The following SF3B3 variants were observed in gnomAD, a reference collection of about 807,000 sequenced individuals.
SF3B3 encodes the protein splicing factor 3b subunit 3.
A neutral mutation model predicts 139.2 loss-of-function variants in SF3B3; 33 were observed. The ratio of observed to expected loss-of-function variants is 0.24; its 90% CI spans 0.18 to 0.32. The LOEUF is 0.32. Ranked by LOEUF, SF3B3 falls within the 10% of genes least tolerant of loss-of-function variation. SF3B3 has a pLI of 1.00. For missense variants in SF3B3, 818 were observed against 1,509.4 expected, an observed-to-expected ratio of 0.54 and a Z score of 7.59; for synonymous variants, 596 against 563.6, an observed-to-expected ratio of 1.06 and a Z score of -0.81.
At chr16:70,556,746 A>C in intron 14 of SF3B3, 140 bp from the exon 15 acceptor site, 4 of 787,160 alleles carry the variant, frequency 5.1e-6, no homozygotes, top group African/African-American at 1.7e-5. Context: ...ATAACTCAGT[A>C]CTCTCTTAGA....
At chr16:70,557,168 T>A (rs1158702249) in intron 15 of SF3B3, 139 bp downstream of exon 15, 2 of 858,318 alleles carry the variant, frequency 2.3e-6, no homozygotes, top group Non-Finnish European at 3.5e-6. Context: ...TCACTCTGGG[T>A]TCCACTTTTC....
rs2050489331 is a variant in SF3B3, at chr16:70,567,621, A to C, written c.2952+85A>C. On this transcript the variant is annotated intron_variant, in intron 21 of 25. Coordinates refer to ENST00000302516, the MANE Select transcript of SF3B3 (RefSeq NM_012426.5). ...TGGGGTGGTGGGCATTGAGTTTTAA[A>C]ATCTTATCTTTATTAGGACTTGTTG... The C allele has an allele frequency of 2.8e-6, 4 of 1,451,916 alleles. No individual in the cohort carries two copies. In the Admixed American group the frequency reaches 6.8e-5, roughly 25 times the overall value. The allele number at this position is 1,451,916 out of a possible 1,614,324, so 89.9% of individuals were successfully genotyped here.
At position 70,572,836 on chromosome 16, in the gene SF3B3, C is replaced by T. The variant is rs920712558; in HGVS notation, c.*1023C>T. ...CTGTTAGGTGGAAGAGGCCCAGTTCCAGAAATGTTCCAGCCCACCCCTGAG... is the reference window on the plus strand; with the variant it reads ...CTGTTAGGTGGAAGAGGCCCAGTTCTAGAAATGTTCCAGCCCACCCCTGAG... On this transcript the variant is annotated 3_prime_UTR_variant, in exon 26 of 26. Coordinates refer to ENST00000302516, the MANE Select transcript of SF3B3 (RefSeq NM_012426.5). 3.9e-5 allele frequency: 6 copies of T among 152,224 alleles called. No individual in the cohort carries two copies. The highest frequency in any genetic ancestry group is 1.4e-4 in the African/African-American group (6 of 41,410). The allele number at this position is 152,224 out of a possible 1,614,324, so 9.4% of individuals were successfully genotyped here.
chr16:70,540,156 A>T (rs2050205950), intron 8 of SF3B3, among the ~76,000 whole-genome samples: 1 of 145,284 alleles, frequency 6.9e-6, no homozygotes, highest in Non-Finnish European at 1.5e-5. Context: ...GCACTTTGGG[A>T]GGTTGAGGCG....
chr16:70,551,534 C>G (rs1425540233), intron 11 of SF3B3, among the ~76,000 whole-genome samples: 1 of 151,988 alleles, frequency 6.6e-6, no homozygotes, highest in Non-Finnish European at 1.5e-5. Context: ...GAAACCCTGT[C>G]TCTACTAAAA....
chr16:70,536,031 C>G (rs2050162556), intron 6 of SF3B3, among the ~76,000 whole-genome samples: 1 of 152,048 alleles, frequency 6.6e-6, no homozygotes, highest in Non-Finnish European at 1.5e-5. Flanking sequence ...ATATCATACC[C>G]AAGAAATTGT....
intron 11 of SF3B3, among the ~76,000 whole-genome samples, chr16:70,549,072 G>A (rs530163576): frequency 1.8e-4 from 27 of 152,306 alleles, no homozygotes; most frequent in Non-Finnish European, 3.7e-4. Flanking sequence ...AAAGTCTTGT[G>A]ACAATTGAAT....
intron 1 of SF3B3, among the ~76,000 whole-genome samples, 179 bp from the exon 2 acceptor site, chr16:70,526,408 G>C (rs8051473): frequency 2.6e-5 from 4 of 151,844 alleles, no homozygotes; most frequent in Non-Finnish European, 4.4e-5. Context: ...GGGTTTCACT[G>C]TGTTGCCCAA....
intron 6 of SF3B3, among the ~76,000 whole-genome samples, chr16:70,537,387 T>C (rs1041124641): frequency 1.3e-5 from 2 of 152,196 alleles, no homozygotes; most frequent in Non-Finnish European, 2.9e-5. Flanking sequence ...GACTAATGAA[T>C]ATCCCTCTTC....
In SF3B3 at chr16:70,565,289, TCCAGGG is replaced by T. The variant is rs2050464878; in HGVS notation, c.2669+20_2669+25del. 1 of 1,613,650 alleles carries T rather than the reference TCCAGGG, an allele frequency of 6.2e-7. No homozygotes were observed. The highest frequency in any genetic ancestry group is 1.3e-5 in the African/African-American group (1 of 74,902). On this transcript the variant is annotated intron_variant, in intron 19 of 25. Coordinates refer to ENST00000302516, the MANE Select transcript of SF3B3 (RefSeq NM_012426.5). ...CTTTTAGGTAAGCAGCCCAGGACAG[TCCAGGG>T]TTTGGCAGGCTGGAACAGGAGCTCT...
chr16:70,530,621 A>G (rs940369926), intron 3 of SF3B3, 124 bp from the exon 4 acceptor site: 1 of 847,334 alleles, frequency 1.2e-6, no homozygotes, highest in Non-Finnish European at 1.9e-6. Context: ...CTGAGTTTTT[A>G]TACTTGTAGA....
At chr16:70,547,520 C>T (rs1468219974) in intron 10 of SF3B3, among the ~76,000 whole-genome samples, 1 of 152,186 alleles carries the variant, frequency 6.6e-6, no homozygotes, top group Non-Finnish European at 1.5e-5. Flanking sequence ...GAGAATCATT[C>T]ACTCTTGACT....
chr16:70,539,225 T>TA lies in SF3B3; in HGVS notation c.1067+19dup. On this transcript the variant is annotated intron_variant, in intron 8 of 25. Coordinates refer to ENST00000302516, the MANE Select transcript of SF3B3 (RefSeq NM_012426.5). ...GGAAACCAGTGAGTAATCCTTCTGT[T>TA]ACCCTAGTTCACCCTGGTTGGGATA... 1 of 1,545,716 alleles carries TA rather than the reference T, an allele frequency of 6.5e-7. No individual in the cohort carries two copies. The highest frequency in any genetic ancestry group is 8.9e-7 in the Non-Finnish European group (1 of 1,117,702).
At chr16:70,565,769 T>C (rs1325829275) in intron 20 of SF3B3, 2 of 435,442 alleles carry the variant, frequency 4.6e-6, no homozygotes, top group Non-Finnish European at 8.3e-6. Flanking sequence ...GGTCTCTTTC[T>C]TACTGTTTTA....
intron 9 of SF3B3, 24 bp downstream of exon 9, chr16:70,541,858 T>C (rs756013995): frequency 2.5e-6 from 4 of 1,598,138 alleles, no homozygotes; most frequent in Non-Finnish European, 3.4e-6. Context: ...TCCAGCCCCT[T>C]CCACAATAGA....
At chr16:70,534,791 C>T (rs934149536) in intron 5 of SF3B3, among the ~76,000 whole-genome samples, 2 of 152,158 alleles carry the variant, frequency 1.3e-5, no homozygotes, top group African/African-American at 4.8e-5. Context: ...GCCTCAGCCT[C>T]CCGAGTAGCT....
intron 9 of SF3B3, 22 bp downstream of exon 9, chr16:70,541,856 C>G: frequency 6.3e-7 from 1 of 1,599,416 alleles, no homozygotes; most frequent in South Asian, 1.1e-5. Context: ...TTTCCAGCCC[C>G]TTCCACAATA....
intron 13 of SF3B3, 25 bp from the exon 14 acceptor site, chr16:70,556,154 C>T (rs1357466241): frequency 6.2e-7 from 1 of 1,613,614 alleles, no homozygotes; most frequent in South Asian, 1.1e-5. Context: ...GTAGTTTTGA[C>T]CTTGCTGTGT....
At chr16:70,543,495 G>A (rs976377053) in intron 9 of SF3B3, among the ~76,000 whole-genome samples, 4 of 151,908 alleles carry the variant, frequency 2.6e-5, no homozygotes, top group African/African-American at 9.7e-5. Flanking sequence ...ATGACCTGAG[G>A]TCAGGAATTT....
Sources: allele counts gnomAD v4.1 joint callset (sites outside exome capture counted in the v4.1 genomes callset), GRCh38; gene constraint gnomAD v4.1.1; transcripts MANE v1.5; gene names NCBI Gene and HGNC (gene_info 2026-07-23, HGNC 2026-07-21).